Variants in CBLB observed in about 807,000 individuals in gnomAD.
CBLB encodes the protein E3 ubiquitin-protein ligase CBL-B.
CBLB carries 31 observed loss-of-function variants against 104.9 expected under a neutral mutation model. The ratio of observed to expected loss-of-function variants is 0.30; its 90% CI spans 0.22 to 0.40. The LOEUF (loss-of-function observed/expected upper bound fraction) is 0.40, where lower values mean the gene tolerates loss of function less well. CBLB is among the 10% of genes least tolerant of loss of function. The pLI is 1.00. For synonymous variants in CBLB, 440 were observed against 422.6 expected (o/e 1.04, Z -0.51); for missense variants, 1,062 against 1,214.6 (o/e 0.87, Z 1.87).
chr3:105,813,687 T>C (rs143118177), intron 3 of CBLB, among the ~76,000 whole-genome samples: 1 of 152,302 alleles, frequency 6.6e-6, no homozygotes, highest in East Asian at 1.9e-4. Context: ...ATATTAGATA[T>C]ATATTTTTTG....
intron 3 of CBLB, among the ~76,000 whole-genome samples, chr3:105,848,193 C>T (rs916996378): frequency 6.6e-6 from 1 of 151,968 alleles, no homozygotes; most frequent in African/African-American, 2.4e-5. Context: ...CAACAGAGCA[C>T]CAGCAACAAC....
chr3:105,739,405 C>T lies in CBLB; in HGVS notation c.983+1089G>A, dbSNP rs570250076. ...ATACTGCAGCGAGTTTGATCACGAG[C>T]ATCTCTAAGTTATCCAGCAAGGCAG... is the stretch of plus-strand genomic sequence containing the variant. On this transcript the variant is annotated intron_variant, in intron 7 of 18. Coordinates refer to ENST00000394030, the MANE Select transcript of CBLB (RefSeq NM_170662.5). Among the ~76,000 whole-genome samples, 4 of 152,196 alleles carry T rather than the reference C, an allele frequency of 2.6e-5. No homozygotes were observed. In the South Asian group the frequency reaches 8.3e-4, roughly 32 times the overall value.
chr3:105,760,090 A>C (rs2077474064), intron 4 of CBLB, among the ~76,000 whole-genome samples: 1 of 152,232 alleles, frequency 6.6e-6, no homozygotes, highest in Non-Finnish European at 1.5e-5. Context: ...ATTATTTCTA[A>C]TCTTCTCAAT....
intron 2 of CBLB, among the ~76,000 whole-genome samples, chr3:105,864,195 T>C (rs6804152): frequency 0.24 from 35,997 of 152,096 alleles, 4,570 homozygotes; most frequent in East Asian, 0.47. Context: ...GTTTGTAATA[T>C]AGCCCTTTCC....
chr3:105,660,346 C>T (rs1023614518), intron 18 of CBLB, among the ~76,000 whole-genome samples: 2 of 151,738 alleles, frequency 1.3e-5, no homozygotes, highest in African/African-American at 2.4e-5. Context: ...CACCACCATG[C>T]CTGGCTAATT....
At chr3:105,819,416 G>T (rs565951775) in intron 3 of CBLB, among the ~76,000 whole-genome samples, 11 of 152,142 alleles carry the variant, frequency 7.2e-5, no homozygotes, top group African/African-American at 2.7e-4. Context: ...GAACCCAGGA[G>T]GAGGAAGTTG....
chr3:105,700,590 A>C (rs1205669007), intron 12 of CBLB, among the ~76,000 whole-genome samples: 1 of 152,150 alleles, frequency 6.6e-6, no homozygotes, highest in African/African-American at 2.4e-5. Flanking sequence ...GATTATTATA[A>C]AATTGGTTTT....
In CBLB at chr3:105,656,880, G is replaced by T. The variant is rs2063385430; in HGVS notation, c.*2090C>A. ...AAAATAAACAGTGCTATTCCAAGGT[G>T]ACATCTGAAACTGTTAAAACAAGTG... On this transcript the variant is annotated 3_prime_UTR_variant, in exon 19 of 19. Transcript: ENST00000394030. 4.7e-6 allele frequency: 1 copy of T among 210,800 alleles called. No homozygotes were observed. Among genetic ancestry groups the T allele is most frequent in the African/African-American group, 2.3e-5 (1 of 44,080 alleles). 13.1% of individuals were successfully genotyped at this position (210,800 alleles called of 1,614,324 possible).
chr3:105,766,686 C>G (rs2078264220), intron 4 of CBLB, among the ~76,000 whole-genome samples: 1 of 152,088 alleles, frequency 6.6e-6, no homozygotes, highest in Non-Finnish European at 1.5e-5. Context: ...TACTGCACAC[C>G]TAACAGACTA....
In CBLB at chr3:105,776,560, A is replaced by G; in HGVS notation, c.420-18T>C. The G allele has an allele frequency of 6.2e-7, 1 of 1,612,788 alleles. No homozygotes were observed. On this transcript the variant is annotated intron_variant, in intron 3 of 18. Coordinates refer to ENST00000394030, the MANE Select transcript of CBLB (RefSeq NM_170662.5). ...GATTTCGTCTGTAGGCACAAGGGAA[A>G]AAAATGAAGATAAGAAATAAACACC...
At chr3:105,816,195 T>A (rs557959928) in intron 3 of CBLB, among the ~76,000 whole-genome samples, 63 of 152,122 alleles carry the variant, frequency 4.1e-4, no homozygotes, top group Middle Eastern at 3.4e-3. Context: ...CAGAACTTAG[T>A]ATATTTTTTA....
intron 9 of CBLB, among the ~76,000 whole-genome samples, chr3:105,722,535 C>T (rs1225836505): frequency 6.6e-6 from 1 of 151,844 alleles, no homozygotes; most frequent in African/African-American, 2.4e-5. Context: ...ATTTTAGTAT[C>T]ATAACTAAAA....
intron 18 of CBLB, among the ~76,000 whole-genome samples, chr3:105,666,039 T>A (rs1428953403): frequency 6.6e-6 from 1 of 151,016 alleles, no homozygotes; most frequent in Non-Finnish European, 1.5e-5. Context: ...AAAAAAAAAA[T>A]TATATATCTG....
intron 12 of CBLB, among the ~76,000 whole-genome samples, chr3:105,694,379 AT>A (rs2068079251): frequency 6.6e-6 from 1 of 151,994 alleles, no homozygotes; most frequent in Non-Finnish European, 1.5e-5. Flanking sequence ...GCAGAAACAT[AT>A]TCACAAGAAA....
chr3:105,688,378 G>A (rs1017896194), intron 13 of CBLB, among the ~76,000 whole-genome samples: 2 of 151,928 alleles, frequency 1.3e-5, no homozygotes, highest in Non-Finnish European at 2.9e-5. Context: ...TAAATTCATT[G>A]TGTTAGTTAT....
In CBLB at chr3:105,724,497, T is replaced by C. The variant is rs186528465; in HGVS notation, c.1204-4247A>G. Among the ~76,000 whole-genome samples the C allele has an allele frequency of 4.6e-5, 7 of 152,242 alleles. No individual in the cohort carries two copies. The East Asian group carries it at 1.4e-3, about 29-fold the overall frequency. On this transcript the variant is annotated intron_variant, in intron 9 of 18. Coordinates refer to ENST00000394030, the MANE Select transcript of CBLB (RefSeq NM_170662.5). ...CAGGGCATAATGAGATAATGCACAT[T>C]TAGAGACACCATAAAGATAAAATGA...
intron 3 of CBLB, among the ~76,000 whole-genome samples, chr3:105,779,069 T>C (rs1463229028): frequency 6.6e-6 from 1 of 152,212 alleles, no homozygotes; most frequent in Non-Finnish European, 1.5e-5. Context: ...AAAATGGCTA[T>C]AATTAGGGTA....
At chr3:105,796,051 C>T (rs1239221878) in intron 3 of CBLB, among the ~76,000 whole-genome samples, 1 of 151,978 alleles carries the variant, frequency 6.6e-6, no homozygotes, top group East Asian at 1.9e-4. Context: ...AATTTATCTT[C>T]CTTCCACAAT....
At chr3:105,780,664 T>TTTTTG (rs1577127537) in intron 3 of CBLB, among the ~76,000 whole-genome samples, 1 of 120,808 alleles carries the variant, frequency 8.3e-6, no homozygotes, top group East Asian at 2.1e-4. Flanking sequence ...TTTTTTGTTT[T>TTTTTG]TTTTTTTTTT....
Sources: gnomAD v4.1 joint callset for allele counts (sites outside exome capture counted in the v4.1 genomes callset) on GRCh38, gnomAD v4.1.1 for gene constraint, MANE v1.5 for transcripts, NCBI Gene and HGNC (gene_info 2026-07-23, HGNC 2026-07-21) for gene names.